Variants in LRMDA observed in about 807,000 individuals in gnomAD.
LRMDA encodes the protein leucine rich melanocyte differentiation associated.
A neutral mutation model predicts 29.8 loss-of-function variants in LRMDA; 18 were observed. That is an observed-to-expected ratio of 0.60 (90% confidence interval 0.42 to 0.90). The LOEUF is 0.90. LRMDA is among the 40% of genes least tolerant of loss of function. The pLI is 0.00. For missense variants in LRMDA, 273 were observed against 273.9 expected (o/e 1.00, Z 0.02); for synonymous variants, 125 against 109.4 (o/e 1.14, Z -0.89).
chr10:75,638,793 A>G (rs1356042720), intron 2 of LRMDA, among the ~76,000 whole-genome samples: 2 of 152,210 alleles, frequency 1.3e-5, no homozygotes, highest in African/African-American at 4.8e-5. Context: ...TTACAGAGTA[A>G]TCTGTGATTT....
At chr10:75,432,101 A>C (rs997888266) in intron 1 of LRMDA, among the ~76,000 whole-genome samples, 1 of 152,234 alleles carries the variant, frequency 6.6e-6, no homozygotes, top group African/African-American at 2.4e-5. Flanking sequence ...TCATAATCTG[A>C]ATTTTAAAAA....
chr10:75,571,568 TC>T (rs1840438093), intron 2 of LRMDA, among the ~76,000 whole-genome samples: 1 of 152,204 alleles, frequency 6.6e-6, no homozygotes, highest in South Asian at 2.1e-4. Context: ...AGGATCCCAT[TC>T]CCCTTGCTTG....
intron 2 of LRMDA, among the ~76,000 whole-genome samples, chr10:75,490,256 G>A (rs1179063752): frequency 5.9e-5 from 9 of 152,032 alleles, no homozygotes; most frequent in African/African-American, 1.9e-4. Context: ...GGTGTTCCCT[G>A]ATGGGCACTT....
intron 2 of LRMDA, among the ~76,000 whole-genome samples, chr10:75,477,619 C>G (rs774335360): frequency 1.3e-5 from 2 of 152,172 alleles, no homozygotes; most frequent in Non-Finnish European, 2.9e-5. Context: ...AGTCCCCAGG[C>G]GCAACTGCTG....
chr10:76,326,803 G>A (rs2132401101), intron 6 of LRMDA, among the ~76,000 whole-genome samples: 1 of 152,304 alleles, frequency 6.6e-6, no homozygotes, highest in Middle Eastern at 3.4e-3. Context: ...GGAAGTCCGG[G>A]CTTAGAATAA....
chr10:75,498,904 T>C (rs1364997941), intron 2 of LRMDA, among the ~76,000 whole-genome samples: 1 of 151,360 alleles, frequency 6.6e-6, no homozygotes, highest in Non-Finnish European at 1.5e-5. Context: ...GGGGAGTGAG[T>C]TGGTTTTGGG....
chr10:76,431,368 A>G (rs1429139813), intron 6 of LRMDA, among the ~76,000 whole-genome samples: 1 of 152,184 alleles, frequency 6.6e-6, no homozygotes, highest in African/African-American at 2.4e-5. Context: ...CCTACAGCTC[A>G]GTTCTCTCCT....
intron 2 of LRMDA, among the ~76,000 whole-genome samples, chr10:75,524,789 T>C (rs757278831): frequency 6.6e-6 from 1 of 152,198 alleles, no homozygotes; most frequent in Non-Finnish European, 1.5e-5. Context: ...TTTGTTAATT[T>C]TGTCCCATCC....
At chr10:76,475,547 ACC>A (rs1842660269) in intron 6 of LRMDA, among the ~76,000 whole-genome samples, 1 of 152,122 alleles carries the variant, frequency 6.6e-6, no homozygotes, top group African/African-American at 2.4e-5. Context: ...CACCAAGCAG[ACC>A]TAATAGACAT....
intron 2 of LRMDA, among the ~76,000 whole-genome samples, chr10:75,877,752 A>G (rs561087100): frequency 6.6e-6 from 1 of 152,180 alleles, no homozygotes; most frequent in East Asian, 1.9e-4. Flanking sequence ...AGATAGTGAG[A>G]CTCTCTTGAA....
At chr10:75,489,103 A>G (rs1006855896) in intron 2 of LRMDA, among the ~76,000 whole-genome samples, 2 of 152,104 alleles carry the variant, frequency 1.3e-5, no homozygotes, top group Non-Finnish European at 2.9e-5. Context: ...TGTGCCTTGT[A>G]AGAACCAGAG....
intron 6 of LRMDA, among the ~76,000 whole-genome samples, chr10:76,541,984 C>T (rs1843362004): frequency 6.6e-6 from 1 of 151,984 alleles, no homozygotes; most frequent in South Asian, 2.1e-4. Flanking sequence ...ATGAGTCATA[C>T]TTGCGTTGTT....
At chr10:76,148,134 G>T (rs1850364831) in intron 5 of LRMDA, among the ~76,000 whole-genome samples, 2 of 152,182 alleles carry the variant, frequency 1.3e-5, no homozygotes, top group African/African-American at 4.8e-5. Context: ...CGGAAGTCAG[G>T]GACCCACTTG....
intron 6 of LRMDA, among the ~76,000 whole-genome samples, chr10:76,537,480 G>GGGTT (rs1843303729): frequency 6.6e-6 from 1 of 152,080 alleles, no homozygotes; most frequent in African/African-American, 2.4e-5. Flanking sequence ...GGTGCCAATG[G>GGGTT]GGTTGTACTT....
chr10:75,984,734 T>C (rs1847234655), intron 2 of LRMDA, among the ~76,000 whole-genome samples: 1 of 152,240 alleles, frequency 6.6e-6, no homozygotes, highest in Non-Finnish European at 1.5e-5. Flanking sequence ...TCTCAATTCC[T>C]GGGGATGCGT....
chr10:75,686,457 T>G (rs773250182), intron 2 of LRMDA, among the ~76,000 whole-genome samples: 2 of 152,202 alleles, frequency 1.3e-5, no homozygotes, highest in Non-Finnish European at 2.9e-5. Context: ...AAGACTGACT[T>G]AATGGCTGTC....
chr10:75,655,271 T>C (rs1841654145), intron 2 of LRMDA, among the ~76,000 whole-genome samples: 2 of 152,226 alleles, frequency 1.3e-5, no homozygotes. Flanking sequence ...GCAAACAGCC[T>C]ATTCATTTTA....
At chr10:76,038,313 G>A (rs186750672) in intron 3 of LRMDA, among the ~76,000 whole-genome samples, 72 of 152,358 alleles carry the variant, frequency 4.7e-4, no homozygotes, top group African/African-American at 1.7e-3. Context: ...TGGCTTCAGA[G>A]TGCTGAGAGG....
chr10:75,710,635 A>C (rs1455204796), intron 2 of LRMDA, among the ~76,000 whole-genome samples: 1 of 152,244 alleles, frequency 6.6e-6, no homozygotes, highest in Non-Finnish European at 1.5e-5. Flanking sequence ...CTTCTGTCAT[A>C]ACCAGAGCCC....
Sources: gnomAD v4.1 joint callset for allele counts (sites outside exome capture counted in the v4.1 genomes callset) on GRCh38, gnomAD v4.1.1 for gene constraint, MANE v1.5 for transcripts, NCBI Gene and HGNC (gene_info 2026-07-23, HGNC 2026-07-21) for gene names.